Variants in ZGRF1 observed in about 807,000 individuals in gnomAD.
ZGRF1 encodes 5'-3' DNA helicase ZGRF1.
In ZGRF1, 196 loss-of-function variants were observed where a neutral mutation model predicts 203.5. That is an observed-to-expected ratio of 0.96 (90% confidence interval 0.86 to 1.08). The LOEUF is 1.08. Ranked by LOEUF, ZGRF1 falls within the 50% of genes least tolerant of loss-of-function variation. ZGRF1 has a pLI of 0.00. For missense variants in ZGRF1, 2,326 were observed against 2,416.3 expected, an observed-to-expected ratio of 0.96 and a Z score of 0.78; for synonymous variants, 809 against 841.3, an observed-to-expected ratio of 0.96 and a Z score of 0.66.
In ZGRF1 at chr4:112,618,203, A is replaced by G. The variant is rs375856577; in HGVS notation, c.1839T>C (p.Phe613=). 94 of 1,613,814 alleles carry G rather than the reference A, an allele frequency of 5.8e-5. No homozygotes were observed. Among genetic ancestry groups the G allele is most frequent in the Non-Finnish European group, 7.5e-5 (89 of 1,179,894 alleles). ...CAAAACCCACATAAGTTTTATCACAAAACTGTGATGGCAGAGTCTCTTTAA... is the reference window on the plus strand; with the variant it reads ...CAAAACCCACATAAGTTTTATCACAGAACTGTGATGGCAGAGTCTCTTTAA... ...FPVKETLPSQ[F]CDKTYVGFDM... The change falls in exon 6 of 28, where the codon TTT becomes TTC. Residue 613 remains phenylalanine, a synonymous_variant. Transcript: ENST00000505019.
chr4:112,629,944 T>C (rs1408002533), intron 3 of ZGRF1: 4 of 332,216 alleles, frequency 1.2e-5, no homozygotes, highest in Non-Finnish European at 2.5e-5. Flanking sequence ...ACTTGAACCT[T>C]GGATGCAGAG....
At chr4:112,595,121 A>C (rs1400502590) in intron 10 of ZGRF1, among the ~76,000 whole-genome samples, 2 of 152,086 alleles carry the variant, frequency 1.3e-5, no homozygotes, top group Non-Finnish European at 2.9e-5. Flanking sequence ...TTTACATTTT[A>C]ATGTCTTTGA....
intron 1 of ZGRF1, among the ~76,000 whole-genome samples, chr4:112,634,254 G>A (rs568707239): frequency 6.6e-6 from 1 of 152,312 alleles, no homozygotes; most frequent in East Asian, 1.9e-4. Context: ...GCAGGAATAA[G>A]CACAGCAGGG....
rs2046987226 is a variant in ZGRF1, at chr4:112,619,261, ACTT to A, written c.778_780del (p.Lys260del). The A allele has an allele frequency of 6.2e-7, 1 of 1,613,180 alleles. No homozygotes were observed. The highest frequency in any genetic ancestry group is 1.3e-5 in the African/African-American group (1 of 74,926). On this transcript the variant is annotated inframe_deletion, in exon 6 of 28. Coordinates refer to ENST00000505019, the MANE Select transcript of ZGRF1 (RefSeq NM_018392.5). The stretch of plus-strand genomic sequence containing the variant: ...TCCTCACATGAACTAGATGATTCGG[ACTT>A]CAGAAGAGCTAATATCTGTGCTTTG...
In ZGRF1 at chr4:112,565,146, A is replaced by T. The variant is rs995400088; in HGVS notation, c.4439-1872T>A. 71 of 1,445,458 alleles carry T rather than the reference A, an allele frequency of 4.9e-5. No homozygotes were observed. The African/African-American group carries it at 8.5e-4, about 17-fold the overall frequency. 89.5% of individuals were successfully genotyped at this position (1,445,458 alleles called of 1,614,324 possible). A position where few individuals can be genotyped will look rare whatever the true frequency, so the allele number is the denominator to read the frequency against. On this transcript the variant is annotated intron_variant, in intron 16 of 27. Transcript: ENST00000505019. ...GTACTGTGGCGCTCCGTGAAATTAG[A>T]TGTTATCAGAAGTCCACTGAACTTC...
rs1750726178 is a variant in ZGRF1 at position 112,606,067 on chromosome 4, C to A, written c.2743G>T (p.Glu915Ter). The change falls in exon 9 of 28, where the codon GAG becomes TAG. Residue 915 changes from glutamate (E) to a stop codon, truncating the protein, a stop_gained. Transcript: ENST00000505019. LOFTEE classifies it high-confidence loss of function. ...GGAATAACAGCTTGAAAAGCAGTCTCTTCTTTACTTCCCGAGGAAGAGAAC... is the reference window on the plus strand; with the variant it reads ...GGAATAACAGCTTGAAAAGCAGTCTATTCTTTACTTCCCGAGGAAGAGAAC... ...VQFSSSGSKE[E>*]TAFQAVIPKQ... is the part of the protein sequence containing the mutation. The A allele has an allele frequency of 3.7e-6, 6 of 1,601,710 alleles. No homozygotes were observed. The highest frequency in any genetic ancestry group is 3.4e-6 in the Non-Finnish European group (4 of 1,173,278).
chr4:112,563,312 A>T, intron 16 of ZGRF1, 38 bp from the exon 17 acceptor site: 2 of 1,458,828 alleles, frequency 1.4e-6, no homozygotes, highest in Non-Finnish European at 1.9e-6. Context: ...ACACAGACAT[A>T]TACAGTATGG....
Position 112,617,659 on chromosome 4 carries a change from G to T in ZGRF1, c.2383C>A (p.Pro795Thr), listed in dbSNP as rs1283985499. The part of the protein sequence containing the change: ...PEDLGKIRSP[P>T]PDHVEVETAR... ...GTTTCAACCTCAACATGGTCAGGGGGTGGACTTCTAATCTTTCCCAAATCT... is the reference window on the plus strand; with the variant it reads ...GTTTCAACCTCAACATGGTCAGGGGTTGGACTTCTAATCTTTCCCAAATCT... Residue 795 changes from proline (P) to threonine (T), a missense_variant, in exon 6 of 28, where the codon CCC becomes ACC. Physicochemically the swap from Pro to Thr is conservative, Grantham distance 38. Coordinates refer to ENST00000505019, the MANE Select transcript of ZGRF1 (RefSeq NM_018392.5). 6.2e-7 allele frequency: 1 copy of T among 1,613,910 alleles called. No individual in the cohort carries two copies. The highest frequency in any genetic ancestry group is 8.5e-7 in the Non-Finnish European group (1 of 1,179,934).
At chr4:112,571,934 C>G (rs1183745448) in intron 16 of ZGRF1, among the ~76,000 whole-genome samples, 4 of 151,980 alleles carry the variant, frequency 2.6e-5, no homozygotes, top group African/African-American at 9.7e-5. Flanking sequence ...ACAAATTAAC[C>G]TACAGTATAA....
chr4:112,618,654 T>C lies in ZGRF1; in HGVS notation c.1388A>G (p.Asn463Ser). The C allele has an allele frequency of 6.2e-7, 1 of 1,613,304 alleles. No individual in the cohort carries two copies. ...CTCCTTTTCCAGTGTTCCACATGTA[T>C]TTACCTCCTGAGCATTTTCTTTAAT... ...VLIKENAQEV[N>S]TCGTLEKEYE... The change falls in exon 6 of 28, where the codon AAT becomes AGT. Residue 463 changes from asparagine to serine, a missense_variant. Asn to Ser is a conservative substitution (Grantham distance 46). Coordinates refer to ENST00000505019, the MANE Select transcript of ZGRF1 (RefSeq NM_018392.5).
chr4:112,584,830 G>A (rs996488825), intron 14 of ZGRF1, among the ~76,000 whole-genome samples: 16 of 152,160 alleles, frequency 1.1e-4, no homozygotes, highest in African/African-American at 3.6e-4. Flanking sequence ...TGAAAGCACA[G>A]TTCTACAATG....
Position 112,618,441 on chromosome 4 carries a change from A to T in ZGRF1, c.1601T>A (p.Leu534Gln). 1.9e-6 allele frequency: 3 copies of T among 1,613,800 alleles called. No individual in the cohort carries two copies. The highest frequency in any genetic ancestry group is 1.7e-6 in the Non-Finnish European group (2 of 1,179,908). Residue 534 changes from leucine (L) to glutamine (Q), a missense_variant, in exon 6 of 28, where the codon CTG becomes CAG. Coordinates refer to ENST00000505019, the MANE Select transcript of ZGRF1 (RefSeq NM_018392.5). ...TQPFLEVTFNLNNFETSDTEE... is the reference protein window; with the variant it reads ...TQPFLEVTFNQNNFETSDTEE... ...AGTGTCACTGGTCTCAAAATTGTTC[A>T]GATTAAAAGTTACCTCCAAAAATGG...
At position 112,539,655 on chromosome 4, in the gene ZGRF1, A is replaced by C. The variant is rs143875962; in HGVS notation, c.6207T>G (p.Tyr2069Ter). 9.0e-5 allele frequency: 144 copies of C among 1,608,102 alleles called. No homozygotes were observed. The highest frequency in any genetic ancestry group is 1.2e-4 in the Non-Finnish European group (143 of 1,177,724). The change falls in exon 28 of 28, where the codon TAT becomes TAG. Residue 2069 changes from tyrosine (Y) to a stop codon, truncating the protein, a stop_gained. Coordinates refer to ENST00000505019, the MANE Select transcript of ZGRF1 (RefSeq NM_018392.5). LOFTEE classifies it high-confidence loss of function. ...REDGLQHANQ[Y>*]EPQLNHLLKD... ...TAAGGAGATGGTTCAGCTGTGGTTC[A>C]TACTGGTTTGCATGTTGCAATCCAT...
chr4:112,629,324 G>C (rs1209900456), intron 3 of ZGRF1, among the ~76,000 whole-genome samples: 2 of 152,210 alleles, frequency 1.3e-5, no homozygotes, highest in Non-Finnish European at 2.9e-5. Flanking sequence ...TTTGAATTAT[G>C]ATCATGAACA....
chr4:112,630,236 G>C (rs74601044), intron 3 of ZGRF1, among the ~76,000 whole-genome samples: 1 of 151,240 alleles, frequency 6.6e-6, no homozygotes, highest in South Asian at 2.1e-4. Flanking sequence ...CAGTGGCTCA[G>C]GCCAGGCGCA....
At chr4:112,619,942 A>C (rs533925494) in intron 5 of ZGRF1, 60 bp downstream of exon 5, 5 of 1,334,708 alleles carry the variant, frequency 3.7e-6, no homozygotes, top group Non-Finnish European at 5.0e-6. Context: ...AAAATTCACT[A>C]CTTTTCGAGA....
chr4:112,614,450 G>C (rs1407126701), intron 6 of ZGRF1, among the ~76,000 whole-genome samples: 10 of 152,144 alleles, frequency 6.6e-5, no homozygotes, highest in Admixed American at 6.6e-4. Context: ...TTTAGCTTAT[G>C]TTGTAAACAA....
At chr4:112,611,533 C>T (rs980830787) in intron 7 of ZGRF1, among the ~76,000 whole-genome samples, 12 of 152,302 alleles carry the variant, frequency 7.9e-5, no homozygotes, top group Admixed American at 4.6e-4. Flanking sequence ...TAACAGCATC[C>T]CCATTGAGTG....
chr4:112,612,455 T>C, intron 7 of ZGRF1, 69 bp downstream of exon 7: 2 of 1,049,240 alleles, frequency 1.9e-6, no homozygotes, highest in Non-Finnish European at 2.9e-6. Context: ...ATTACTATAA[T>C]TCTATTACAA....
Sources: allele counts gnomAD v4.1 joint callset (sites outside exome capture counted in the v4.1 genomes callset), GRCh38; gene constraint gnomAD v4.1.1; transcripts MANE v1.5; gene names NCBI Gene and HGNC (gene_info 2026-07-23, HGNC 2026-07-21).